The following THRB variants were observed in gnomAD, a reference collection of about 807,000 sequenced individuals.
THRB encodes the protein thyroid hormone receptor beta, also known as nuclear receptor subfamily 1 group A member 2.
THRB carries 12 observed loss-of-function variants against 47.8 expected under a neutral mutation model. The ratio of observed to expected loss-of-function variants is 0.25; its 90% CI spans 0.16 to 0.41. The LOEUF (loss-of-function observed/expected upper bound fraction) is 0.41, where lower values mean the gene tolerates loss of function less well. THRB is among the 10% of genes least tolerant of loss of function. The pLI is 1.00. For synonymous variants in THRB, 218 were observed against 212.2 expected, an observed-to-expected ratio of 1.03 and a Z score of -0.24; for missense variants, 348 against 589.2, an observed-to-expected ratio of 0.59 and a Z score of 4.24.
In THRB at chr3:24,152,556, T is replaced by A. The variant is rs1050627742; in HGVS notation, c.284-66A>T. ...GTTAACGTCAAAGAGACACTATAGC[T>A]AAGGTTGCTAGGCCAGAGACAAAAT... On this transcript the variant is annotated intron_variant, in intron 5 of 10. Transcript: ENST00000646209. The A allele has an allele frequency of 8.9e-6, 8 of 894,128 alleles. No individual in the cohort carries two copies. In the African/African-American group the frequency reaches 9.9e-5, roughly 11 times the overall value. The allele number at this position is 894,128 out of a possible 1,614,324, so 55.4% of individuals were successfully genotyped here. A position where few individuals can be genotyped will look rare whatever the true frequency, so the allele number is the denominator to read the frequency against.
chr3:24,206,369 A>C lies in THRB; in HGVS notation c.23-16035T>G, dbSNP rs567234316. Among the ~76,000 whole-genome samples the C allele has an allele frequency of 1.5e-4, 23 of 152,342 alleles. No homozygotes were observed. The South Asian group carries it at 4.6e-3, about 30-fold the overall frequency. On this transcript the variant is annotated intron_variant, in intron 4 of 10. Transcript: ENST00000646209. ...AACTCACTCAAAACCGCTCAACTACATGGAAACTGAACAACCTGCTCCTGA... is the reference window on the plus strand; with the variant it reads ...AACTCACTCAAAACCGCTCAACTACCTGGAAACTGAACAACCTGCTCCTGA...
intron 3 of THRB, among the ~76,000 whole-genome samples, chr3:24,231,373 A>T (rs12330481): frequency 0.015 from 2,268 of 152,242 alleles, 58 homozygotes; most frequent in African/African-American, 0.053. Context: ...GTGGGGCGGA[A>T]AGTATCTAGG....
chr3:24,414,144 C>T (rs2068553483), intron 1 of THRB, among the ~76,000 whole-genome samples: 1 of 151,744 alleles, frequency 6.6e-6, no homozygotes, highest in Non-Finnish European at 1.5e-5. Context: ...GGCACTGGTG[C>T]AAAGAGGGAA....
intron 3 of THRB, among the ~76,000 whole-genome samples, chr3:24,289,525 T>C (rs2055702360): frequency 6.6e-6 from 1 of 152,110 alleles, no homozygotes; most frequent in Non-Finnish European, 1.5e-5. Flanking sequence ...TCTATCCCTC[T>C]ATCAGTCTTT....
intron 1 of THRB, among the ~76,000 whole-genome samples, chr3:24,491,960 C>T (rs1698205718): frequency 6.6e-6 from 1 of 152,160 alleles, no homozygotes. Flanking sequence ...ATTGTCACTA[C>T]ACAGAATGGA....
intron 4 of THRB, among the ~76,000 whole-genome samples, chr3:24,228,694 G>C (rs2047943139): frequency 6.6e-6 from 1 of 151,620 alleles, no homozygotes; most frequent in Non-Finnish European, 1.5e-5. Context: ...GTGTGCAATG[G>C]CTAAAGGATG....
chr3:24,424,129 A>T lies in THRB; in HGVS notation c.-261+70523T>A, dbSNP rs139307072. ...GTAGCTTGAAAGGGTTTTGGTGGAC[A>T]AAAGTTTTCAACCATGATTGGCTGC... On this transcript the variant is annotated intron_variant, in intron 1 of 10. Coordinates refer to ENST00000646209, the MANE Select transcript of THRB (RefSeq NM_001354712.2). 6.4e-4 allele frequency among the ~76,000 whole-genome samples: 98 copies of T among 152,022 alleles called. 1 individual carries two copies. Among genetic ancestry groups the T allele is most frequent in the African/African-American group, 2.3e-3 (94 of 41,528 alleles).
intron 1 of THRB, among the ~76,000 whole-genome samples, chr3:24,490,278 A>G (rs1697943962): frequency 6.6e-6 from 1 of 152,242 alleles, no homozygotes; most frequent in African/African-American, 2.4e-5. Context: ...CTTGCCATCC[A>G]TTGCTCAACC....
intron 1 of THRB, among the ~76,000 whole-genome samples, chr3:24,481,438 C>G (rs773968683): frequency 3.5e-4 from 53 of 151,944 alleles, no homozygotes; most frequent in Non-Finnish European, 6.6e-4. Flanking sequence ...GTCAAAACAT[C>G]AGGAAAGTAT....
intron 3 of THRB, among the ~76,000 whole-genome samples, chr3:24,269,445 A>C: frequency 7.2e-6 from 1 of 137,942 alleles, no homozygotes. Context: ...ACACACACTT[A>C]AGTTATCTTC....
chr3:24,302,561 G>A, intron 2 of THRB, among the ~76,000 whole-genome samples: 1 of 152,184 alleles, frequency 6.6e-6, no homozygotes, highest in Non-Finnish European at 1.5e-5. Flanking sequence ...GCTTGTCACA[G>A]TTGTCTGCAC....
chr3:24,457,431 T>A (rs567996454), intron 1 of THRB, among the ~76,000 whole-genome samples: 6 of 152,312 alleles, frequency 3.9e-5, no homozygotes, highest in South Asian at 2.1e-4. Context: ...TGAGAAAATA[T>A]ATGTCTTCTA....
intron 2 of THRB, among the ~76,000 whole-genome samples, chr3:24,331,273 A>G (rs531755457): frequency 1.7e-4 from 26 of 152,296 alleles, no homozygotes; most frequent in Non-Finnish European, 3.7e-4. Context: ...AAAATTAAAG[A>G]CAAAAAGAAA....
At chr3:24,247,904 A>G (rs563164213) in intron 3 of THRB, among the ~76,000 whole-genome samples, 1 of 152,316 alleles carries the variant, frequency 6.6e-6, no homozygotes, top group East Asian at 1.9e-4. Context: ...AATATCAAGC[A>G]ACCAAATTTT....
In THRB at chr3:24,195,819, C is replaced by A. The variant is rs185338236; in HGVS notation, c.23-5485G>T. Among the ~76,000 whole-genome samples the A allele has an allele frequency of 1.7e-3, 265 of 152,316 alleles. 1 individual carries two copies. Among genetic ancestry groups the A allele is most frequent in the Middle Eastern group, 0.01 (3 of 294 alleles). On this transcript the variant is annotated intron_variant, in intron 4 of 10. Transcript: ENST00000646209. The stretch of plus-strand genomic sequence containing the variant: ...TATGCTGCAGTGCCCCTGTCCAAAT[C>A]CTTATATCACCAGCTCCCTGTCATT...
chr3:24,390,831 C>A (rs2066515110), intron 1 of THRB, among the ~76,000 whole-genome samples: 1 of 146,766 alleles, frequency 6.8e-6, no homozygotes. Flanking sequence ...TTTTTAAATT[C>A]TTGGAATTAA....
intron 1 of THRB, among the ~76,000 whole-genome samples, chr3:24,417,096 ACACACAC>A (rs2068804550): frequency 3.4e-4 from 1 of 2,946 alleles, no homozygotes; most frequent in African/African-American, 4.9e-4. Context: ...TTTTAAACCA[ACACACAC>A]ACACACACAC....
At chr3:24,395,793 CA>C (rs1187449229) in intron 1 of THRB, among the ~76,000 whole-genome samples, 3 of 151,864 alleles carry the variant, frequency 2.0e-5, no homozygotes, top group African/African-American at 7.3e-5. Context: ...AATGTATGCC[CA>C]CAAAAAAACT....
chr3:24,175,584 T>C (rs762361921), intron 5 of THRB, among the ~76,000 whole-genome samples: 29 of 152,338 alleles, frequency 1.9e-4, no homozygotes, highest in Non-Finnish European at 3.2e-4. Context: ...CAGACCACTG[T>C]TATCATCATT....
Sources: allele counts gnomAD v4.1 joint callset (sites outside exome capture counted in the v4.1 genomes callset), GRCh38; gene constraint gnomAD v4.1.1; transcripts MANE v1.5; gene names NCBI Gene and HGNC (gene_info 2026-07-23, HGNC 2026-07-21).